The following USP25 variants were observed in gnomAD, a reference collection of about 807,000 sequenced individuals.
USP25 encodes the protein ubiquitin specific peptidase 25.
A neutral mutation model predicts 158.5 loss-of-function variants in USP25; 85 were observed. The ratio of observed to expected loss-of-function variants is 0.54; its 90% CI spans 0.45 to 0.64. The LOEUF is 0.64. Among genes scored for constraint, USP25 ranks in the 30% least tolerant of loss-of-function variants. The pLI is 0.00. For synonymous variants in USP25, 464 were observed against 460.4 expected (o/e 1.01, Z -0.10); for missense variants, 1,242 against 1,327.3 (o/e 0.94, Z 1.00).
At chr21:15,839,962 G>A (rs2038251175) in intron 17 of USP25, among the ~76,000 whole-genome samples, 2 of 152,016 alleles carry the variant, frequency 1.3e-5, no homozygotes. Flanking sequence ...TTCTCTGAGA[G>A]CACTTCTCTA....
intron 4 of USP25, among the ~76,000 whole-genome samples, chr21:15,791,082 A>G (rs148798658): frequency 3.0e-4 from 46 of 151,988 alleles, no homozygotes; most frequent in African/African-American, 1.1e-3. Flanking sequence ...GGTCGGTGAT[A>G]AAAGTGCAAC....
Position 15,741,659 on chromosome 21 carries a change from A to G in USP25, c.45+11221A>G, listed in dbSNP as rs144780371. Among the ~76,000 whole-genome samples the G allele has an allele frequency of 2.3e-4, 35 of 152,258 alleles. No homozygotes were observed. In the East Asian group the frequency reaches 6.6e-3, roughly 29 times the overall value. On this transcript the variant is annotated intron_variant, in intron 1 of 25. Transcript: ENST00000400183. ...GATTTTTTTTAACATTGCTTCTCATACATTATCCAGTTTTAACACTCCTAC... is the reference window on the plus strand; with the variant it reads ...GATTTTTTTTAACATTGCTTCTCATGCATTATCCAGTTTTAACACTCCTAC...
At chr21:15,835,805 T>C (rs997757071) in intron 17 of USP25, among the ~76,000 whole-genome samples, 2 of 152,212 alleles carry the variant, frequency 1.3e-5, no homozygotes, top group East Asian at 3.8e-4. Flanking sequence ...TTAGTAGAAG[T>C]AGAACATGCC....
At chr21:15,759,322 A>T (rs1326129665) in intron 1 of USP25, among the ~76,000 whole-genome samples, 1 of 152,218 alleles carries the variant, frequency 6.6e-6, no homozygotes, top group Non-Finnish European at 1.5e-5. Context: ...GACAAGTCTC[A>T]ATCAATTTAG....
At chr21:15,864,542 G>T in intron 21 of USP25, 96 bp downstream of exon 21, 1 of 1,093,090 alleles carries the variant, frequency 9.1e-7, no homozygotes, top group Non-Finnish European at 1.3e-6. Context: ...TTTTATATAT[G>T]CATGGGCACA....
intron 20 of USP25, among the ~76,000 whole-genome samples, chr21:15,863,811 C>T (rs930397344): frequency 2.0e-5 from 3 of 151,452 alleles, no homozygotes; most frequent in Admixed American, 6.6e-5. Context: ...CCAAGGCGGG[C>T]GGATTATGAG....
intron 21 of USP25, among the ~76,000 whole-genome samples, chr21:15,864,969 T>G (rs928634062): frequency 1.3e-5 from 2 of 152,098 alleles, no homozygotes; most frequent in African/African-American, 4.8e-5. Flanking sequence ...TAATTAAACA[T>G]TCTTTGACAT....
In USP25 at chr21:15,878,029, C is replaced by T. The variant is rs199801305; in HGVS notation, c.3205+38C>T. On this transcript the variant is annotated intron_variant, in intron 25 of 25. Coordinates refer to ENST00000400183, the MANE Select transcript of USP25 (RefSeq NM_001283041.3). Reference sequence around the variant, plus strand: ...AATGGTAGTAGGCACCTGAGATGTCCGGATTAAATGCAGTTAGAATTAGAT... The same window carrying T: ...AATGGTAGTAGGCACCTGAGATGTCTGGATTAAATGCAGTTAGAATTAGAT... 51 of 1,502,804 alleles carry T rather than the reference C, an allele frequency of 3.4e-5. No individual in the cohort carries two copies. In the Middle Eastern group the frequency reaches 5.3e-4, roughly 16 times the overall value. 93.1% of individuals were successfully genotyped at this position (1,502,804 alleles called of 1,614,324 possible).
At chr21:15,739,777 G>A (rs1300700823) in intron 1 of USP25, among the ~76,000 whole-genome samples, 1 of 152,198 alleles carries the variant, frequency 6.6e-6, no homozygotes, top group Non-Finnish European at 1.5e-5. Context: ...TTTGGCTTGT[G>A]AAAGTGAGTT....
intron 21 of USP25, 64 bp from the exon 22 acceptor site, chr21:15,866,202 A>G: frequency 1.1e-6 from 1 of 895,004 alleles, no homozygotes; most frequent in South Asian, 4.2e-5. Flanking sequence ...TTGATTTACA[A>G]ATATATATAT....
At chr21:15,781,735 G>A (rs2034976213) in intron 4 of USP25, among the ~76,000 whole-genome samples, 1 of 152,106 alleles carries the variant, frequency 6.6e-6, no homozygotes, top group South Asian at 2.1e-4. Flanking sequence ...TAGGAAGAAG[G>A]TAAGCGGAGA....
At chr21:15,852,990 A>G (rs974069796) in intron 20 of USP25, among the ~76,000 whole-genome samples, 8 of 152,326 alleles carry the variant, frequency 5.3e-5, no homozygotes, top group South Asian at 2.1e-4. Context: ...AAAAAATGAA[A>G]GTAATGTATA....
intron 1 of USP25, 84 bp downstream of exon 1, chr21:15,730,522 C>G (rs9977917): frequency 7.9e-7 from 1 of 1,268,404 alleles, no homozygotes; most frequent in East Asian, 3.3e-5. Flanking sequence ...GCCCCGGCCT[C>G]GCCGCCGCCG....
Position 15,730,398 on chromosome 21 carries a change from C to T in USP25, c.5C>T (p.Thr2Ile). 2.3e-6 allele frequency: 3 copies of T among 1,328,182 alleles called. No homozygotes were observed. Among genetic ancestry groups the T allele is most frequent in the African/African-American group, 3.1e-5 (2 of 64,978 alleles). 82.3% of individuals were successfully genotyped at this position (1,328,182 alleles called of 1,614,324 possible). ...GCCGCCGCCGCCGCGGGGGCCATGA[C>T]CGTGGAGCAGAACGTGCTGCAGCAG... M[T>I]VEQNVLQQSA... The change falls in exon 1 of 26, where the codon ACC becomes ATC. Residue 2 changes from threonine (T) to isoleucine (I), a missense_variant. By Grantham distance (89) the Thr-to-Ile change is moderately conservative. Transcript: ENST00000400183.
intron 7 of USP25, among the ~76,000 whole-genome samples, chr21:15,808,220 C>T (rs866882252): frequency 6.6e-6 from 1 of 152,266 alleles, no homozygotes; most frequent in South Asian, 2.1e-4. Flanking sequence ...TAGTTGATAA[C>T]ACAACTGCCA....
chr21:15,791,777 A>G (rs1196948229), intron 5 of USP25, 113 bp downstream of exon 5: 5 of 1,136,580 alleles, frequency 4.4e-6, no homozygotes, highest in Non-Finnish European at 6.0e-6. Flanking sequence ...AGTTTTTAAT[A>G]TACTATTTTG....
intron 6 of USP25, among the ~76,000 whole-genome samples, 194 bp downstream of exon 6, chr21:15,800,037 T>G (rs2036053249): frequency 6.6e-6 from 1 of 151,232 alleles, no homozygotes; most frequent in South Asian, 2.1e-4. Flanking sequence ...TTCCTTTACC[T>G]GTCACAGTAA....
chr21:15,743,829 G>A (rs1287926390), intron 1 of USP25, among the ~76,000 whole-genome samples: 1 of 152,072 alleles, frequency 6.6e-6, no homozygotes, highest in Admixed American at 6.5e-5. Flanking sequence ...TACTGTCCCT[G>A]CCTGCCTGGG....
At chr21:15,767,693 A>G (rs1045759544) in intron 3 of USP25, among the ~76,000 whole-genome samples, 2 of 152,046 alleles carry the variant, frequency 1.3e-5, no homozygotes, top group African/African-American at 4.8e-5. Context: ...TAAAAGGGAA[A>G]AGGATAATTT....
Sources: allele counts gnomAD v4.1 joint callset (sites outside exome capture counted in the v4.1 genomes callset), GRCh38; gene constraint gnomAD v4.1.1; transcripts MANE v1.5; gene names NCBI Gene and HGNC (gene_info 2026-07-23, HGNC 2026-07-21).